Variants in MSN observed in about 807,000 individuals in gnomAD.
MSN encodes the protein epididymis luminal protein 70.
Under a neutral mutation model 48.0 loss-of-function variants are expected in MSN, and 2 were observed. The ratio of observed to expected loss-of-function variants is 0.04; its 90% CI spans 0.02 to 0.13. The LOEUF is 0.13. Among genes scored for constraint, MSN ranks in the 10% least tolerant of loss-of-function variants. MSN has a pLI of 1.00. For synonymous variants in MSN, 146 were observed against 166.9 expected, an observed-to-expected ratio of 0.87 and a Z score of 0.97; for missense variants, 267 against 470.1, an observed-to-expected ratio of 0.57 and a Z score of 3.99.
rs778682763 is a variant in MSN at position 65,712,242 on chromosome X, G to A, written c.13-4576G>A. ...TGCCTTACTTGTTCCTGCCTTCAGGGCCTTTCCTGTCCCATTGTCAATCCT... is the reference window on the plus strand; with the variant it reads ...TGCCTTACTTGTTCCTGCCTTCAGGACCTTTCCTGTCCCATTGTCAATCCT... On this transcript the variant is annotated intron_variant, in intron 1 of 12. Coordinates refer to ENST00000360270, the MANE Select transcript of MSN (RefSeq NM_002444.3). Among the ~76,000 whole-genome samples the A allele has an allele frequency of 2.0e-4, 22 of 111,455 alleles. No individual in the cohort carries two copies. In the South Asian group the frequency reaches 7.2e-3, roughly 36 times the overall value.
intron 1 of MSN, among the ~76,000 whole-genome samples, chrX:65,660,053 C>T (rs1387622296): frequency 2.7e-5 from 3 of 111,226 alleles, no homozygotes; most frequent in Admixed American, 1.9e-4. Flanking sequence ...GTTTCACTGC[C>T]GTCTTAAAGA....
intron 1 of MSN, among the ~76,000 whole-genome samples, chrX:65,645,206 C>A (rs1280622298): frequency 3.6e-5 from 4 of 111,820 alleles, no homozygotes; most frequent in Admixed American, 9.5e-5. Flanking sequence ...TCCCAGGCTG[C>A]TCTGAGCCTG....
At chrX:65,615,295 G>A (rs1414196299) in intron 1 of MSN, among the ~76,000 whole-genome samples, 3 of 107,872 alleles carry the variant, frequency 2.8e-5, no homozygotes, top group African/African-American at 7.1e-5. Flanking sequence ...CTTCCACAAC[G>A]GTTGAACTAG....
intron 1 of MSN, among the ~76,000 whole-genome samples, chrX:65,606,945 A>G (rs1264908982): frequency 8.9e-6 from 1 of 112,691 alleles, no homozygotes; most frequent in East Asian, 2.8e-4. Context: ...TGGAGCTTAT[A>G]TTCCAGTGGG....
intron 1 of MSN, among the ~76,000 whole-genome samples, chrX:65,660,011 A>G (rs2070810034): frequency 9.0e-6 from 1 of 110,953 alleles, no homozygotes; most frequent in African/African-American, 3.3e-5. Flanking sequence ...TATAGGCATG[A>G]AATGGTTTAC....
intron 1 of MSN, among the ~76,000 whole-genome samples, chrX:65,654,400 C>T (rs750584367): frequency 1.4e-4 from 15 of 110,095 alleles, no homozygotes; most frequent in Non-Finnish European, 1.1e-4. Context: ...GGATTACAGG[C>T]GAGCCACCAC....
chrX:65,596,819 A>C (rs2070190718), intron 1 of MSN, among the ~76,000 whole-genome samples: 1 of 85,766 alleles, frequency 1.2e-5, no homozygotes, highest in African/African-American at 4.4e-5. Flanking sequence ...CAGAGGAGAC[A>C]GCAGTGTCCC....
intron 1 of MSN, chrX:65,625,429 C>G (rs1050320789): frequency 8.9e-6 from 1 of 111,918 alleles, no homozygotes; most frequent in Non-Finnish European, 1.9e-5. Flanking sequence ...TCATTTCTGT[C>G]AGCTTATTTC....
chrX:65,647,907 A>G (rs2070706756), intron 1 of MSN, among the ~76,000 whole-genome samples: 1 of 111,932 alleles, frequency 8.9e-6, no homozygotes, highest in Non-Finnish European at 1.9e-5. Context: ...GGAGAATGAC[A>G]TGATTTTGCA....
At chrX:65,678,106 C>T (rs1466395687) in intron 1 of MSN, among the ~76,000 whole-genome samples, 1 of 111,645 alleles carries the variant, frequency 9.0e-6, no homozygotes, top group Non-Finnish European at 1.9e-5. Context: ...ACTTCTGGAA[C>T]CTTTCCTGAT....
chrX:65,607,616 C>A (rs890060420), intron 1 of MSN, among the ~76,000 whole-genome samples: 5 of 111,472 alleles, frequency 4.5e-5, no homozygotes, highest in Non-Finnish European at 7.5e-5. Flanking sequence ...GTGGTGGTGG[C>A]TACAGAACAA....
chrX:65,620,389 G>T (rs2070427301), intron 1 of MSN, among the ~76,000 whole-genome samples: 1 of 113,937 alleles, frequency 8.8e-6, no homozygotes, highest in South Asian at 3.5e-4. Context: ...CTCCGAGCCA[G>T]GTGCGGGATA....
Position 65,737,280 on chromosome X carries a change from A to G in MSN, c.1193A>G (p.Glu398Gly), listed in dbSNP as rs1448225501. 5.8e-6 allele frequency: 7 copies of G among 1,209,599 alleles called. No homozygotes were observed. Among genetic ancestry groups the G allele is most frequent in the African/African-American group, 1.7e-5 (1 of 57,201 alleles). The change falls in exon 10 of 13, where the codon GAG becomes GGG. Residue 398 changes from glutamate to glycine, a missense_variant. Coordinates refer to ENST00000360270, the MANE Select transcript of MSN (RefSeq NM_002444.3). ...GCCAAGGAGCGTCAAGAAGCTGAAG[A>G]GGCCAAGGAGGCCTTGCTGCAGGCC... ...KLAKERQEAE[E>G]AKEALLQASR...
chrX:65,699,081 A>G (rs1349959237), intron 1 of MSN, among the ~76,000 whole-genome samples: 1 of 112,134 alleles, frequency 8.9e-6, no homozygotes, highest in Non-Finnish European at 1.9e-5. Context: ...CCCTTCAACC[A>G]GAACAGCTCT....
intron 1 of MSN, among the ~76,000 whole-genome samples, chrX:65,600,417 A>G (rs2070225345): frequency 8.9e-6 from 1 of 111,845 alleles, no homozygotes; most frequent in South Asian, 3.7e-4. Context: ...GAATGACTTC[A>G]CATTGCTTCA....
At chrX:65,683,926 TTC>T (rs2071083877) in intron 1 of MSN, among the ~76,000 whole-genome samples, 1 of 107,988 alleles carries the variant, frequency 9.3e-6, no homozygotes, top group African/African-American at 3.4e-5. Flanking sequence ...ACTCTTTTTT[TTC>T]TTTCTTTCTT....
At chrX:65,691,801 C>G (rs914384223) in intron 1 of MSN, among the ~76,000 whole-genome samples, 1 of 112,172 alleles carries the variant, frequency 8.9e-6, no homozygotes, top group African/African-American at 3.2e-5. Flanking sequence ...CCACTGTTCC[C>G]GGCTCTTTTC....
intron 1 of MSN, among the ~76,000 whole-genome samples, chrX:65,706,835 T>C: frequency 8.9e-6 from 1 of 112,082 alleles, no homozygotes; most frequent in Non-Finnish European, 1.9e-5. Flanking sequence ...CCTGCCTCTA[T>C]GCACTTCAGT....
chrX:65,720,996 G>A, intron 2 of MSN, among the ~76,000 whole-genome samples: 1 of 111,924 alleles, frequency 8.9e-6, no homozygotes, highest in Middle Eastern at 4.6e-3. Context: ...GGATTACCTA[G>A]GTGCCACTAA....
Sources: allele counts gnomAD v4.1 joint callset (sites outside exome capture counted in the v4.1 genomes callset), GRCh38; gene constraint gnomAD v4.1.1; transcripts MANE v1.5; gene names NCBI Gene and HGNC (gene_info 2026-07-23, HGNC 2026-07-21).